The following GLIS3 variants were observed in gnomAD, a reference collection of about 807,000 sequenced individuals.
GLIS3 encodes GLIS family zinc finger 3.
In GLIS3, 53 loss-of-function variants were observed where a neutral mutation model predicts 78.6. The observed-to-expected ratio is 0.67, with a 90% CI of 0.54 to 0.85. GLIS3 has a LOEUF of 0.85. Ranked by LOEUF, GLIS3 falls within the 40% of genes least tolerant of loss-of-function variation. GLIS3 has a pLI of 0.00. For missense variants in GLIS3, 1,703 were observed against 1,231.1 expected (o/e 1.38, Z -5.74); for synonymous variants, 684 against 509.9 (o/e 1.34, Z -4.60).
chr9:3,931,324 T>C lies in GLIS3; in HGVS notation c.1983+1036A>G, dbSNP rs111418178. 3.9e-3 allele frequency among the ~76,000 whole-genome samples: 591 copies of C among 152,218 alleles called. 5 individuals are homozygous for C. Among genetic ancestry groups the C allele is most frequent in the African/African-American group, 0.014 (570 of 41,530 alleles). ...CAAGTAACAAGAAGACTATAGAGCA[T>C]TTCCCAACATAAAAGTGTTAAATCC... On this transcript the variant is annotated intron_variant, in intron 6 of 10. Coordinates refer to ENST00000381971, the MANE Select transcript of GLIS3 (RefSeq NM_001042413.2).
At chr9:4,048,941 C>T (rs1825481283) in intron 4 of GLIS3, among the ~76,000 whole-genome samples, 1 of 152,166 alleles carries the variant, frequency 6.6e-6, no homozygotes, top group Non-Finnish European at 1.5e-5. Context: ...GAAATAGTCA[C>T]CAACACGTGG....
At chr9:4,459,659 G>A in the GLIS3 span, among the ~76,000 whole-genome samples, 1 of 152,136 alleles carries the variant, frequency 6.6e-6, no homozygotes, top group Non-Finnish European at 1.5e-5. Context: ...CAGCTACTTG[G>A]GAGACTGAGG....
chr9:4,172,972 T>G (rs1304066826), intron 2 of GLIS3, among the ~76,000 whole-genome samples: 5 of 152,218 alleles, frequency 3.3e-5, no homozygotes, highest in African/African-American at 1.2e-4. Context: ...TCTGAATTTT[T>G]TTGTAAAATC....
intron 4 of GLIS3, among the ~76,000 whole-genome samples, chr9:4,056,641 T>C (rs754933635): frequency 3.3e-5 from 5 of 151,954 alleles, no homozygotes; most frequent in African/African-American, 4.8e-5. Flanking sequence ...AGAGACGGGA[T>C]ATGAAAGAAA....
intron 2 of GLIS3, among the ~76,000 whole-genome samples, chr9:4,137,862 G>A (rs1027913483): frequency 6.6e-6 from 1 of 152,156 alleles, no homozygotes; most frequent in Non-Finnish European, 1.5e-5. Flanking sequence ...AAACCAAAGA[G>A]GAAATGTAAG....
intron 2 of GLIS3, among the ~76,000 whole-genome samples, chr9:4,232,398 A>G (rs983821072): frequency 3.0e-4 from 45 of 150,098 alleles, no homozygotes; most frequent in African/African-American, 9.3e-4. Context: ...AAAAAAAAAA[A>G]AAAGAAAAGA....
chr9:4,079,159 T>G (rs930702238), intron 4 of GLIS3, among the ~76,000 whole-genome samples: 3 of 152,208 alleles, frequency 2.0e-5, no homozygotes, highest in African/African-American at 7.2e-5. Flanking sequence ...TGAAATAGGG[T>G]CCCATTGCTT....
At chr9:4,186,627 T>C (rs1168211898) in intron 2 of GLIS3, among the ~76,000 whole-genome samples, 3 of 151,056 alleles carry the variant, frequency 2.0e-5, no homozygotes, top group African/African-American at 4.9e-5. Flanking sequence ...AGTGTAAAAG[T>C]GTTCCTATTT....
At chr9:4,263,549 T>G (rs1182949078) in intron 2 of GLIS3, among the ~76,000 whole-genome samples, 1 of 152,070 alleles carries the variant, frequency 6.6e-6, no homozygotes, top group Admixed American at 6.5e-5. Flanking sequence ...TGTCAATTCA[T>G]TCATTCATTC....
chr9:4,410,645 G>A, the GLIS3 span, among the ~76,000 whole-genome samples: 1 of 152,150 alleles, frequency 6.6e-6, no homozygotes, highest in Non-Finnish European at 1.5e-5. Context: ...TTGCATAAAT[G>A]GATGCTACAG....
At chr9:3,897,058 C>A (rs1554642032) in intron 7 of GLIS3, among the ~76,000 whole-genome samples, 1 of 152,100 alleles carries the variant, frequency 6.6e-6, no homozygotes, top group Non-Finnish European at 1.5e-5. Context: ...GACACCAAGA[C>A]AAATGTGACA....
At chr9:4,352,543 C>G (rs1414126171), upstream of GLIS3, among the ~76,000 whole-genome samples, 3 of 152,266 alleles carry the variant, frequency 2.0e-5, no homozygotes, top group Admixed American at 2.0e-4. Flanking sequence ...AACAACCATG[C>G]TCTTTAGAGA....
At chr9:3,869,852 T>G (rs1017060693) in intron 8 of GLIS3, among the ~76,000 whole-genome samples, 1 of 152,136 alleles carries the variant, frequency 6.6e-6, no homozygotes, top group African/African-American at 2.4e-5. Context: ...AGCATATACA[T>G]GAAACAGATG....
At chr9:4,414,237 G>T in the GLIS3 span, among the ~76,000 whole-genome samples, 1 of 152,158 alleles carries the variant, frequency 6.6e-6, no homozygotes, top group African/African-American at 2.4e-5. Context: ...AGCAGGGAAG[G>T]ACAGATTTTA....
intron 2 of GLIS3, among the ~76,000 whole-genome samples, chr9:4,254,332 C>G (rs1216117429): frequency 6.6e-6 from 1 of 152,192 alleles, no homozygotes; most frequent in Admixed American, 6.5e-5. Context: ...CGTGTTGGAT[C>G]TGTCTGAAGA....
intron 2 of GLIS3, among the ~76,000 whole-genome samples, chr9:4,285,322 CCAA>C (rs1563897292): frequency 6.6e-6 from 1 of 152,088 alleles, no homozygotes; most frequent in Non-Finnish European, 1.5e-5. Flanking sequence ...TTGCTATTCA[CCAA>C]CAATTATTCT....
At chr9:4,399,361 C>A in the GLIS3 span, among the ~76,000 whole-genome samples, 1 of 152,178 alleles carries the variant, frequency 6.6e-6, no homozygotes, top group Admixed American at 6.5e-5. Context: ...CCAAGCACTG[C>A]GCTAAGCTCT....
At chr9:4,423,758 A>G in the GLIS3 span, among the ~76,000 whole-genome samples, 1,684 of 152,296 alleles carry the variant, frequency 0.011, 36 homozygotes, top group African/African-American at 0.038. Flanking sequence ...TGCTTCTATC[A>G]GGCTATCTTT....
At chr9:4,388,115 A>G in the GLIS3 span, among the ~76,000 whole-genome samples, 4 of 152,208 alleles carry the variant, frequency 2.6e-5, no homozygotes, top group Non-Finnish European at 4.4e-5. Context: ...TCTTTTATCT[A>G]TCAAAGTATA....
Sources: gnomAD v4.1 joint callset for allele counts (sites outside exome capture counted in the v4.1 genomes callset) on GRCh38, gnomAD v4.1.1 for gene constraint, MANE v1.5 for transcripts, NCBI Gene and HGNC (gene_info 2026-07-23, HGNC 2026-07-21) for gene names.